The following NPHP3 variants were observed in gnomAD, a reference collection of about 807,000 sequenced individuals.
NPHP3 encodes the protein nephrocystin-3.
Under a neutral mutation model 171.9 loss-of-function variants are expected in NPHP3, and 123 were observed. That is an observed-to-expected ratio of 0.72 (90% CI 0.62 to 0.83). The LOEUF (loss-of-function observed/expected upper bound fraction) is 0.83. NPHP3 is among the 40% of genes least tolerant of loss of function. The probability of loss-of-function intolerance (pLI) is 0.00; values close to 1 mark genes in which losing one functional copy is unlikely to be tolerated. For synonymous variants in NPHP3, 558 were observed against 579.2 expected, an observed-to-expected ratio of 0.96 and a Z score of 0.52; for missense variants, 1,506 against 1,591.9, an observed-to-expected ratio of 0.95 and a Z score of 0.92.
Position 132,704,355 on chromosome 3 carries a change from T to C in NPHP3, c.1367A>G (p.Glu456Gly). Reference protein sequence around the residue: ...KIIKQDILGFENTDLETKDLG... With the variant: ...KIIKQDILGFGNTDLETKDLG... ...ATCCTTAGTCTCCAAGTCTGTGTTC[T>C]CAAAACCCAGTATGTCCTAAACACA... The change falls in exon 9 of 27, where the codon GAG becomes GGG. Residue 456 changes from glutamate to glycine, a missense_variant. Glu to Gly is a moderately conservative substitution (Grantham distance 98, BLOSUM62 -2). This residue lies in a region of NPHP3 where 930 missense variants were observed against 924.9 expected (regional missense o/e 1.01). Coordinates refer to ENST00000337331, the MANE Select transcript of NPHP3 (RefSeq NM_153240.5). 1 of 1,614,130 alleles carries C rather than the reference T, an allele frequency of 6.2e-7. No homozygotes were observed. Among genetic ancestry groups the C allele is most frequent in the African/African-American group, 1.3e-5 (1 of 75,024 alleles).
rs1282760647 is a variant in NPHP3, at chr3:132,683,513, G to A, written c.3582C>T (p.Asp1194=). 2 of 1,612,234 alleles carry A rather than the reference G, an allele frequency of 1.2e-6. No homozygotes were observed. The highest frequency in any genetic ancestry group is 1.7e-6 in the Non-Finnish European group (2 of 1,178,830). ...AILYKKMGKL[D]KAVPLYELAV... is the part of the protein sequence containing the mutation. ...CCAATTCATACAAAGGTACAGCTTT[G>A]TCAAGTTTCCCCTAAAAAACAAGAG... Residue 1194 remains aspartate (D), a synonymous_variant, in exon 25 of 27, where the codon GAC becomes GAT. Transcript: ENST00000337331.
At chr3:132,685,300 G>C (rs1308153758) in intron 23 of NPHP3, 1 of 156,856 alleles carries the variant, frequency 6.4e-6, no homozygotes, top group Non-Finnish European at 1.4e-5. Context: ...TTTTTTTGTA[G>C]AGACAGGGTC....
Position 132,719,111 on chromosome 3 carries a change from C to A in NPHP3, c.553G>T (p.Asp185Tyr). Residue 185 changes from aspartate (D) to tyrosine (Y), a missense_variant, in exon 3 of 27, where the codon GAC (aspartate) becomes TAC (tyrosine). Asp to Tyr is a radical substitution (Grantham distance 160, BLOSUM62 -3). Around this residue, in one of 3 missense-constraint regions of NPHP3, gnomAD observed 930 missense variants for 924.9 expected, o/e 1.01. Transcript: ENST00000337331. ...FRETKENEIQDLLRAKRELES... is the reference protein window; with the variant it reads ...FRETKENEIQYLLRAKRELES... ...AACTCCCTCTTGGCCCTCAGTAAGT[C>A]CTGAATTTCATTTTCTTTGGTCTCC... 1 of 1,612,800 alleles carries A rather than the reference C, an allele frequency of 6.2e-7. No homozygotes were observed. The highest frequency in any genetic ancestry group is 8.5e-7 in the Non-Finnish European group (1 of 1,179,468).
chr3:132,721,938 G>T, intron 1 of NPHP3, 25 bp downstream of exon 1: 1 of 1,610,060 alleles, frequency 6.2e-7, no homozygotes, highest in Non-Finnish European at 8.5e-7. Flanking sequence ...GGGTCTCCCG[G>T]CGTCGCGGCC....
At chr3:132,703,229 A>C (rs1939661905) in intron 9 of NPHP3, among the ~76,000 whole-genome samples, 1 of 152,250 alleles carries the variant, frequency 6.6e-6, no homozygotes, top group African/African-American at 2.4e-5. Context: ...AACTTGAAGA[A>C]ATCTAGTTAG....
intron 1 of NPHP3, among the ~76,000 whole-genome samples, chr3:132,720,356 G>A (rs1030069192): frequency 1.3e-5 from 2 of 152,196 alleles, no homozygotes; most frequent in Non-Finnish European, 2.9e-5. Flanking sequence ...ATGTTTCACA[G>A]GGAATCAGGA....
intron 6 of NPHP3, among the ~76,000 whole-genome samples, chr3:132,708,827 G>A (rs1939827370): frequency 6.6e-6 from 1 of 152,084 alleles, no homozygotes; most frequent in Non-Finnish European, 1.5e-5. Flanking sequence ...GCTAAAATAT[G>A]GCATGTCCAG....
Position 132,692,736 on chromosome 3 carries a change from A to G in NPHP3, c.2393T>C (p.Phe798Ser). ...TAAACTGTGAATAAGGGAGGTCAAG[A>G]AAGTCCAGGACATCTCAGGATAGAG... is the stretch of plus-strand genomic sequence containing the variant. ...MELYPEMSWT[F>S]LTSLIHSLYK... The change falls in exon 17 of 27, where the codon TTC (phenylalanine) becomes TCC (serine). Residue 798 changes from phenylalanine to serine, a missense_variant. By Grantham distance (155) the Phe-to-Ser change is radical (BLOSUM62 -2). Coordinates refer to ENST00000337331, the MANE Select transcript of NPHP3 (RefSeq NM_153240.5). The G allele has an allele frequency of 6.2e-7, 1 of 1,614,070 alleles. No individual in the cohort carries two copies. Among genetic ancestry groups the G allele is most frequent in the Non-Finnish European group, 8.5e-7 (1 of 1,179,930 alleles).
At chr3:132,691,307 TACTG>T (rs781021342) in intron 17 of NPHP3, 21 bp from the exon 18 acceptor site, 58 of 1,524,846 alleles carry the variant, frequency 3.8e-5, no homozygotes, top group East Asian at 3.2e-4. Context: ...AAAGAAGAAA[TACTG>T]AGTTCTATTT....
rs1553772603 is a variant in NPHP3, at chr3:132,692,802, T to C, written c.2327A>G (p.Asn776Ser). The C allele has an allele frequency of 1.9e-6, 3 of 1,613,970 alleles. No homozygotes were observed. Among genetic ancestry groups the C allele is most frequent in the Admixed American group, 3.3e-5 (2 of 60,020 alleles). ...TTCACTCACACCATTGTGACTAACATTGACAAGGCAGAGGATCTAGGTAGA... is the reference window on the plus strand; with the variant it reads ...TTCACTCACACCATTGTGACTAACACTGACAAGGCAGAGGATCTAGGTAGA... ...ELMKQILCLV[N>S]VSHNGVSESE... Residue 776 changes from asparagine to serine, a missense_variant, in exon 17 of 27, where the codon AAT becomes AGT. Around this residue, in one of 3 missense-constraint regions of NPHP3, gnomAD observed 569 missense variants for 648.1 expected, o/e 0.88. Coordinates refer to ENST00000337331, the MANE Select transcript of NPHP3 (RefSeq NM_153240.5).
intron 7 of NPHP3, 143 bp downstream of exon 7, chr3:132,707,958 T>G (rs1939798105): frequency 2.6e-6 from 2 of 765,248 alleles, no homozygotes; most frequent in Admixed American, 4.5e-5. Flanking sequence ...CCCCCTCTCC[T>G]CCTACTCCCC....
At chr3:132,683,293 T>C (rs1939077212) in intron 25 of NPHP3, 106 bp downstream of exon 25, 1 of 1,052,948 alleles carries the variant, frequency 9.5e-7, no homozygotes, top group African/African-American at 1.6e-5. Context: ...GAAATATCCT[T>C]AAATTGTCTT....
intron 6 of NPHP3, 127 bp from the exon 7 acceptor site, chr3:132,708,384 C>T (rs1035105229): frequency 1.1e-6 from 1 of 874,882 alleles, no homozygotes; most frequent in Non-Finnish European, 1.9e-6. Context: ...TCCAACTGCA[C>T]AACAAGTGAA....
At chr3:132,684,936 C>A (rs1939117974) in intron 23 of NPHP3, 142 bp from the exon 24 acceptor site, 1 of 958,026 alleles carries the variant, frequency 1.0e-6, no homozygotes, top group South Asian at 1.5e-5. Context: ...ATCTTACTTT[C>A]CCCCTCTTCC....
rs1448336864 is a variant in NPHP3 at position 132,719,032 on chromosome 3, C to A, written c.632G>T (p.Gly211Val). ...QAQGIQVFDPGESDSDDNCTD... is the reference protein window; with the variant it reads ...QAQGIQVFDPVESDSDDNCTD... ...ACAGTTGTCATCTGAATCAGACTCC[C>A]CAGGATCAAATACTTGGATACCCTG... The change falls in exon 3 of 27, where the codon GGG (glycine) becomes GTG (valine). Residue 211 changes from glycine (G) to valine (V), a missense_variant. Gly to Val is a moderately radical substitution (Grantham distance 109, BLOSUM62 -3). Transcript: ENST00000337331. The A allele has an allele frequency of 6.2e-7, 1 of 1,614,098 alleles. No individual in the cohort carries two copies. Among genetic ancestry groups the A allele is most frequent in the Admixed American group, 1.7e-5 (1 of 60,014 alleles).
intron 6 of NPHP3, among the ~76,000 whole-genome samples, chr3:132,710,651 A>T (rs1376504039): frequency 6.6e-6 from 1 of 152,102 alleles, no homozygotes; most frequent in Admixed American, 6.5e-5. Flanking sequence ...GAATATTCCT[A>T]CTCAGCCAGC....
At chr3:132,705,601 C>T in intron 8 of NPHP3, 139 bp downstream of exon 8, 1 of 592,910 alleles carries the variant, frequency 1.7e-6, no homozygotes, top group Middle Eastern at 2.9e-4. Context: ...ACAGGATGGA[C>T]TCCCAACAGA....
chr3:132,713,455 T>C lies in NPHP3; in HGVS notation c.958-169A>G, dbSNP rs2107996639. Among the ~76,000 whole-genome samples, 2 of 152,288 alleles carry C rather than the reference T, an allele frequency of 1.3e-5. 1 individual carries two copies. The highest frequency in any genetic ancestry group is 4.1e-4 in the South Asian group (2 of 4,828). ...TTAAAGAAAATCTTAAAAAGGCAAG[T>C]TTCTCTCAAATACAAATAATAATAG... On this transcript the variant is annotated intron_variant, in intron 5 of 26. Transcript: ENST00000337331.
At chr3:132,713,613 T>C (rs1414820971) in intron 5 of NPHP3, among the ~76,000 whole-genome samples, 2 of 152,188 alleles carry the variant, frequency 1.3e-5, no homozygotes, top group African/African-American at 4.8e-5. Context: ...GAACAATCTG[T>C]TTTATTGTCA....
Sources: allele counts gnomAD v4.1 joint callset (sites outside exome capture counted in the v4.1 genomes callset), GRCh38; gene constraint gnomAD v4.1.1; regional missense constraint gnomAD v4.1.1; transcripts MANE v1.5; gene names NCBI Gene and HGNC (gene_info 2026-07-23, HGNC 2026-07-21).